The following SHLD1 variants were observed in gnomAD, a reference collection of about 807,000 sequenced individuals.
SHLD1 encodes shieldin complex subunit 1.
Under a neutral mutation model 5.5 loss-of-function variants are expected in SHLD1, and 3 were observed. The ratio of observed to expected loss-of-function variants is 0.54; its 90% CI spans 0.25 to 1.40. The LOEUF is 1.40. Among genes scored for constraint, SHLD1 ranks in the 40% most tolerant of loss-of-function variants. The pLI, the probability that SHLD1 is intolerant of heterozygous loss-of-function variation, is 0.15. For synonymous variants in SHLD1, 92 were observed against 94.3 expected (o/e 0.98, Z 0.14); for missense variants, 210 against 244.4 (o/e 0.86, Z 0.94).
chr20:5,844,996 C>T (rs1239969560), intron 2 of SHLD1, among the ~76,000 whole-genome samples: 8 of 151,634 alleles, frequency 5.3e-5, no homozygotes, highest in Non-Finnish European at 1.0e-4. Context: ...TGGGGTTTCA[C>T]CACGTTGGCC....
intron 2 of SHLD1, among the ~76,000 whole-genome samples, chr20:5,827,675 G>A (rs1972422229): frequency 1.3e-5 from 2 of 152,162 alleles, no homozygotes; most frequent in African/African-American, 4.8e-5. Flanking sequence ...CCCTTTCCCA[G>A]GAGTGCCTTT....
chr20:5,853,002 A>G (rs536157154), intron 2 of SHLD1, among the ~76,000 whole-genome samples: 5 of 152,204 alleles, frequency 3.3e-5, no homozygotes, highest in African/African-American at 2.4e-5. Context: ...GGGCTCTGGA[A>G]TTATTAAACA....
In SHLD1 at chr20:5,772,885, C is replaced by G. The variant is rs149591459; in HGVS notation, c.20C>G (p.Thr7Ser). MAARDA[T>S]SGSLSEESSA... ...AGGACTATGGCAGCCAGGGACGCCA[C>G]TTCAGGCAGCCTGTCAGAGGAGAGC... Residue 7 changes from threonine (T) to serine (S), a missense_variant, in exon 2 of 3, where the codon ACT becomes AGT. Thr to Ser is a moderately conservative substitution (Grantham distance 58). Transcript: ENST00000303142. 2.5e-6 allele frequency: 4 copies of G among 1,613,084 alleles called. No homozygotes were observed. Among genetic ancestry groups the G allele is most frequent in the Middle Eastern group, 1.7e-4 (1 of 6,014 alleles).
At chr20:5,833,295 A>G (rs1229830892) in intron 2 of SHLD1, among the ~76,000 whole-genome samples, 1 of 152,192 alleles carries the variant, frequency 6.6e-6, no homozygotes, top group African/African-American at 2.4e-5. Flanking sequence ...GTACACGTGC[A>G]GGTTTATTAT....
rs191819776 is a variant in SHLD1 at position 5,800,846 on chromosome 20, T to G, written c.178+27803T>G. Among the ~76,000 whole-genome samples, 4 of 40,266 alleles carry G rather than the reference T, an allele frequency of 9.9e-5. No homozygotes were observed. In the East Asian group the frequency reaches 0.14, roughly 1,438 times the overall value. 26.4% of individuals were successfully genotyped at this position (40,266 alleles called of 152,430 possible). A position where few individuals can be genotyped will look rare whatever the true frequency, so the allele number is the denominator to read the frequency against. ...ATCTTTATCTGTATCTATACCTGTG[T>G]GTGTGTGTGTGCGTATGTCTATATC... On this transcript the variant is annotated intron_variant, in intron 2 of 2. Coordinates refer to ENST00000303142, the MANE Select transcript of SHLD1 (RefSeq NM_152504.4).
At chr20:5,826,421 T>A (rs542738856) in intron 2 of SHLD1, among the ~76,000 whole-genome samples, 33 of 151,434 alleles carry the variant, frequency 2.2e-4, no homozygotes, top group African/African-American at 7.8e-4. Context: ...GCCATTCTGA[T>A]ACCTGTACAA....
intron 2 of SHLD1, among the ~76,000 whole-genome samples, chr20:5,809,311 T>G (rs1470542715): frequency 1.3e-5 from 2 of 152,152 alleles, no homozygotes; most frequent in African/African-American, 4.8e-5. Context: ...ACAGCATTCA[T>G]AGATATGGCT....
rs2087384191 is a variant in SHLD1 at position 5,806,871 on chromosome 20, A to T, written c.178+33828A>T. On this transcript the variant is annotated intron_variant, in intron 2 of 2. Transcript: ENST00000303142. This position sits in a 1 kb window ranked among gnomAD's most constrained non-coding sequence, Gnocchi z 7.6. ...CTCTGTCACCACCCTCTCCACTAGA[A>T]TGCCATGTATTATGTATTTCCACTG... Among the ~76,000 whole-genome samples the T allele has an allele frequency of 6.6e-6, 1 of 152,230 alleles. No homozygotes were observed. The highest frequency in any genetic ancestry group is 2.1e-4 in the South Asian group (1 of 4,832).
At chr20:5,833,625 G>C (rs1340992373) in intron 2 of SHLD1, among the ~76,000 whole-genome samples, 1 of 151,988 alleles carries the variant, frequency 6.6e-6, no homozygotes, top group African/African-American at 2.4e-5. Flanking sequence ...AAGAGAGAGA[G>C]AGAGACAGAG....
intron 2 of SHLD1, 31 bp downstream of exon 2, chr20:5,773,074 T>G: frequency 6.2e-7 from 1 of 1,607,820 alleles, no homozygotes; most frequent in African/African-American, 1.3e-5. Flanking sequence ...CAAACTAACT[T>G]AAAAACAACT....
intron 2 of SHLD1, among the ~76,000 whole-genome samples, chr20:5,791,617 A>G (rs2087142450): frequency 1.3e-5 from 2 of 151,904 alleles, no homozygotes; most frequent in South Asian, 4.2e-4. Context: ...ACTGAAAAAT[A>G]TAGCCAAACA....
intron 2 of SHLD1, among the ~76,000 whole-genome samples, chr20:5,859,893 A>G (rs4815868): frequency 0.13 from 20,161 of 152,240 alleles, 1,600 homozygotes; most frequent in Non-Finnish European, 0.17. Flanking sequence ...ACTGGATTTC[A>G]AAATTTTTAA....
intron 2 of SHLD1, among the ~76,000 whole-genome samples, chr20:5,797,470 G>T (rs2087229450): frequency 6.6e-6 from 1 of 152,136 alleles, no homozygotes; most frequent in African/African-American, 2.4e-5. Flanking sequence ...GCAGAGGTGG[G>T]AGGATTGCTT....
intron 2 of SHLD1, among the ~76,000 whole-genome samples, chr20:5,808,883 T>G (rs1428873776): frequency 6.6e-6 from 1 of 152,240 alleles, no homozygotes; most frequent in Non-Finnish European, 1.5e-5. Flanking sequence ...GTGAAAGTGT[T>G]ACAGAAGCCA....
chr20:5,817,473 T>TGTGTGTGTGTG (rs2087551252), intron 2 of SHLD1, among the ~76,000 whole-genome samples: 5 of 145,828 alleles, frequency 3.4e-5, no homozygotes, highest in African/African-American at 1.0e-4. Flanking sequence ...TGTGTGTGTG[T>TGTGTGTGTGTG]TGGGATTACA....
At chr20:5,810,307 A>C (rs1045130164) in intron 2 of SHLD1, among the ~76,000 whole-genome samples, 2 of 151,900 alleles carry the variant, frequency 1.3e-5, no homozygotes, top group African/African-American at 4.8e-5. Flanking sequence ...TTAGACATCG[A>C]GTAACTAAGG....
At chr20:5,823,395 C>G (rs2087629728) in intron 2 of SHLD1, among the ~76,000 whole-genome samples, 1 of 152,000 alleles carries the variant, frequency 6.6e-6, no homozygotes, top group Admixed American at 6.6e-5. Context: ...ACTCGGCTTC[C>G]CAAAGGCATG....
At chr20:5,796,987 G>A (rs1292786914) in intron 2 of SHLD1, among the ~76,000 whole-genome samples, 3 of 152,110 alleles carry the variant, frequency 2.0e-5, no homozygotes, top group East Asian at 1.9e-4. Context: ...AACTAGCCAG[G>A]AAAATGAGAA....
chr20:5,830,185 A>G (rs237076), intron 2 of SHLD1, among the ~76,000 whole-genome samples: 19,025 of 152,260 alleles, frequency 0.12, 1,264 homozygotes, highest in Non-Finnish European at 0.16. Flanking sequence ...AAATAGTCAC[A>G]GCAACACTCA....
Sources: gnomAD v4.1 joint callset for allele counts (sites outside exome capture counted in the v4.1 genomes callset) on GRCh38, gnomAD v4.1.1 for gene constraint, Gnocchi (gnomAD v3.1) non-coding constraint, MANE v1.5 for transcripts, NCBI Gene and HGNC (gene_info 2026-07-23, HGNC 2026-07-21) for gene names.